EFCAB14: variants seen among roughly 807,000 people sequenced by gnomAD.
EFCAB14 encodes EF-hand calcium binding domain 14.
In EFCAB14, 43 loss-of-function variants were observed where a neutral mutation model predicts 56.5. The observed-to-expected ratio is 0.76, with a 90% confidence interval of 0.60 to 0.98. The LOEUF is 0.98. Among genes scored for constraint, EFCAB14 ranks in the 50% least tolerant of loss-of-function variants. EFCAB14 has a pLI of 0.00. For missense variants in EFCAB14, 538 were observed against 580.3 expected (o/e 0.93, Z 0.75); for synonymous variants, 235 against 212.9 (o/e 1.10, Z -0.90).
At chr1:46,716,488 G>C in intron 1 of EFCAB14, 45 bp from the exon 2 acceptor site, 1 of 1,604,510 alleles carries the variant, frequency 6.2e-7, no homozygotes, top group Middle Eastern at 1.7e-4. Flanking sequence ...AAGTGATTAT[G>C]GGTATAGCTT....
In EFCAB14 at chr1:46,688,376, T is replaced by C. The variant is rs371300257; in HGVS notation, c.964A>G (p.Lys322Glu). The stretch of plus-strand genomic sequence containing the variant: ...ACCATGCTGAAGGACAGGTTTGCTT[T>C]CTTTTCTACCTTGCTCATAGCAACC... ...DVVAMSKVEK[K>E]ANLSFSMMGD... Residue 322 changes from lysine (K) to glutamate (E), a missense_variant, in exon 7 of 11, where the codon AAA becomes GAA. Coordinates refer to ENST00000371933, the MANE Select transcript of EFCAB14 (RefSeq NM_014774.3). 2 of 1,613,808 alleles carry C rather than the reference T, an allele frequency of 1.2e-6. No homozygotes were observed. The highest frequency in any genetic ancestry group is 1.7e-6 in the Non-Finnish European group (2 of 1,179,864).
chr1:46,699,387 G>A (rs1199584855), intron 3 of EFCAB14, among the ~76,000 whole-genome samples: 1 of 152,174 alleles, frequency 6.6e-6, no homozygotes, highest in East Asian at 1.9e-4. Flanking sequence ...AAGTGACAAT[G>A]ATTTGTTTAG....
chr1:46,717,927 A>G lies in EFCAB14; in HGVS notation c.161T>C (p.Val54Ala). 1 of 1,613,564 alleles carries G rather than the reference A, an allele frequency of 6.2e-7. No individual in the cohort carries two copies. The change falls in exon 1 of 11, where the codon GTT becomes GCT. Residue 54 changes from valine (V) to alanine (A), a missense_variant. Transcript: ENST00000371933. ...SSEEEEEFGV[V>A]GNRSRFAKGD... ...CTTGGCAAAGCGAGAGCGATTTCCA[A>G]CCACACCGAATTCCTCTTCCTCTTC...
At chr1:46,683,254 A>T in intron 10 of EFCAB14, 46 bp downstream of exon 10, 1 of 1,577,770 alleles carries the variant, frequency 6.3e-7, no homozygotes, top group Non-Finnish European at 8.6e-7. Context: ...TTAAAAAGTT[A>T]TTACTTTGAA....
intron 10 of EFCAB14, among the ~76,000 whole-genome samples, chr1:46,680,114 G>A (rs1676768510): frequency 6.6e-6 from 1 of 152,172 alleles, no homozygotes; most frequent in African/African-American, 2.4e-5. Flanking sequence ...CATTGCTGAT[G>A]GGAATGTAAC....
chr1:46,692,769 T>C (rs905810376), intron 4 of EFCAB14, among the ~76,000 whole-genome samples: 32 of 152,374 alleles, frequency 2.1e-4, no homozygotes, highest in African/African-American at 7.2e-4. Context: ...ATCTTCAAAC[T>C]ATGATTACAT....
chr1:46,686,938 C>T (rs993347854), intron 7 of EFCAB14, 68 bp from the exon 8 acceptor site: 2 of 1,449,362 alleles, frequency 1.4e-6, no homozygotes, highest in Admixed American at 1.8e-5. Context: ...ACTTGAACAC[C>T]TAGCACTTTT....
intron 4 of EFCAB14, among the ~76,000 whole-genome samples, chr1:46,695,622 C>T (rs1037288151): frequency 6.6e-6 from 1 of 152,182 alleles, no homozygotes; most frequent in Non-Finnish European, 1.5e-5. Context: ...ATCCCTTCTT[C>T]CATTTCCTGT....
chr1:46,687,466 C>T (rs1296951971), intron 7 of EFCAB14, among the ~76,000 whole-genome samples: 1 of 152,208 alleles, frequency 6.6e-6, no homozygotes, highest in Non-Finnish European at 1.5e-5. Context: ...CAAGTCCAGG[C>T]AACTTGCCAA....
intron 2 of EFCAB14, among the ~76,000 whole-genome samples, chr1:46,709,961 C>A (rs1014933849): frequency 7.2e-5 from 11 of 152,282 alleles, no homozygotes; most frequent in Admixed American, 6.5e-4. Flanking sequence ...GCACTCCAGC[C>A]TGTGCGGCCG....
intron 4 of EFCAB14, among the ~76,000 whole-genome samples, chr1:46,694,715 A>G (rs1677052662): frequency 6.6e-6 from 1 of 152,226 alleles, no homozygotes; most frequent in Non-Finnish European, 1.5e-5. Flanking sequence ...TGACCCAGCC[A>G]TCCCGTTACT....
At chr1:46,707,046 A>G (rs558464939) in intron 3 of EFCAB14, among the ~76,000 whole-genome samples, 34 of 152,354 alleles carry the variant, frequency 2.2e-4, no homozygotes, top group African/African-American at 8.2e-4. Context: ...GTGTGGCTTC[A>G]GATACATTTG....
Position 46,678,640 on chromosome 1 carries a change from T to A in EFCAB14, c.1313-4A>T. 3 of 1,603,632 alleles carry A rather than the reference T, an allele frequency of 1.9e-6. No individual in the cohort carries two copies. The highest frequency in any genetic ancestry group is 2.6e-6 in the Non-Finnish European group (3 of 1,173,578). On this transcript the variant is annotated splice_region_variant and splice_polypyrimidine_tract_variant and intron_variant, in intron 10 of 10. Transcript: ENST00000371933. ...TTGCGGAATAAATCCTGAAGATCTG[T>A]CAAAAATGAATTACAAAAAATGTAT...
chr1:46,695,540 C>A (rs190069952), intron 4 of EFCAB14, among the ~76,000 whole-genome samples: 14 of 152,324 alleles, frequency 9.2e-5, no homozygotes, highest in Middle Eastern at 3.4e-3. Context: ...GACCCTGGCA[C>A]ATAATCTGAC....
intron 2 of EFCAB14, among the ~76,000 whole-genome samples, chr1:46,714,466 G>T (rs1418720657): frequency 2.0e-5 from 3 of 151,778 alleles, no homozygotes; most frequent in Non-Finnish European, 4.4e-5. Context: ...GTTAAATTCG[G>T]TCAAAGCTAT....
At position 46,675,954 on chromosome 1, in the gene EFCAB14, A is replaced by G. The variant is rs1204115318; in HGVS notation, c.*2507T>C. On this transcript the variant is annotated 3_prime_UTR_variant, in exon 11 of 11. Coordinates refer to ENST00000371933, the MANE Select transcript of EFCAB14 (RefSeq NM_014774.3). ...TGAAAAGGTAAAAGGGTTTAAAACCAAAACCAAAACCAAACTCACTATCCA... is the reference window on the plus strand; with the variant it reads ...TGAAAAGGTAAAAGGGTTTAAAACCGAAACCAAAACCAAACTCACTATCCA... 1 of 152,258 alleles carries G rather than the reference A, an allele frequency of 6.6e-6. No individual in the cohort carries two copies. Among genetic ancestry groups the G allele is most frequent in the Non-Finnish European group, 1.5e-5 (1 of 68,048 alleles). The allele number at this position is 152,258 out of a possible 1,614,324, so 9.4% of individuals were successfully genotyped here.
chr1:46,686,305 T>G (rs1374216543), intron 8 of EFCAB14, among the ~76,000 whole-genome samples: 42 of 152,218 alleles, frequency 2.8e-4, no homozygotes. Context: ...AATACAAAAA[T>G]AGGAAATAAA....
In EFCAB14 at chr1:46,678,368, G is replaced by T; in HGVS notation, c.*93C>A. On this transcript the variant is annotated 3_prime_UTR_variant, in exon 11 of 11. Transcript: ENST00000371933. Reference sequence around the variant, plus strand: ...GGCAAAGTATCTGCTACAGTAGTTTGGAGGACTAGAGGACTGATGGGTAAG... The same window carrying T: ...GGCAAAGTATCTGCTACAGTAGTTTTGAGGACTAGAGGACTGATGGGTAAG... The T allele has an allele frequency of 7.4e-7, 1 of 1,351,176 alleles. No homozygotes were observed. The highest frequency in any genetic ancestry group is 1.0e-6 in the Non-Finnish European group (1 of 973,240). 83.7% of individuals were successfully genotyped at this position (1,351,176 alleles called of 1,614,324 possible).
intron 3 of EFCAB14, among the ~76,000 whole-genome samples, chr1:46,703,552 A>C (rs1359783726): frequency 6.6e-6 from 1 of 152,238 alleles, no homozygotes; most frequent in Non-Finnish European, 1.5e-5. Context: ...GCCTGAAAGA[A>C]GCCTATCTAA....
Sources: allele counts gnomAD v4.1 joint callset (sites outside exome capture counted in the v4.1 genomes callset), GRCh38; gene constraint gnomAD v4.1.1; transcripts MANE v1.5; gene names NCBI Gene and HGNC (gene_info 2026-07-23, HGNC 2026-07-21).